LRP1B: variants seen among roughly 807,000 people sequenced by gnomAD.
LRP1B encodes the protein low-density lipoprotein receptor-related protein 1B.
In LRP1B, 217 loss-of-function variants were observed where a neutral mutation model predicts 556.6. The observed-to-expected ratio is 0.39, with a 90% CI of 0.35 to 0.44. The LOEUF (loss-of-function observed/expected upper bound fraction) is 0.44. LRP1B is among the 20% of genes least tolerant of loss of function. The pLI, the probability that LRP1B is intolerant of heterozygous loss-of-function variation, is 1.00. For missense variants in LRP1B, 5,053 were observed against 5,620.8 expected, an observed-to-expected ratio of 0.90 and a Z score of 3.23; for synonymous variants, 2,047 against 1,865.8, an observed-to-expected ratio of 1.10 and a Z score of -2.50.
chr2:141,200,733 T>C (rs767193316), intron 6 of LRP1B, among the ~76,000 whole-genome samples: 36 of 152,146 alleles, frequency 2.4e-4, no homozygotes, highest in Non-Finnish European at 4.1e-4. Flanking sequence ...TAGTGACTTA[T>C]CAGTGCACTG....
chr2:141,533,808 T>C (rs149846836), intron 2 of LRP1B, among the ~76,000 whole-genome samples: 3 of 152,232 alleles, frequency 2.0e-5, no homozygotes, highest in Admixed American at 6.5e-5. Flanking sequence ...ATCAACTTAC[T>C]CCATGGTTGT....
At chr2:141,654,484 A>G (rs1049853767) in intron 2 of LRP1B, among the ~76,000 whole-genome samples, 1 of 152,104 alleles carries the variant, frequency 6.6e-6, no homozygotes, top group Admixed American at 6.5e-5. Flanking sequence ...GGGCCTCTGG[A>G]GCAGACTCAG....
At chr2:141,182,005 C>T (rs1447043458) in intron 7 of LRP1B, among the ~76,000 whole-genome samples, 1 of 151,942 alleles carries the variant, frequency 6.6e-6, no homozygotes, top group Non-Finnish European at 1.5e-5. Flanking sequence ...TGTGGTCTTG[C>T]CTATTCACAT....
At chr2:142,121,924 G>A (rs990228065) in intron 1 of LRP1B, among the ~76,000 whole-genome samples, 3 of 151,984 alleles carry the variant, frequency 2.0e-5, no homozygotes, top group Non-Finnish European at 4.4e-5. Context: ...AATGAAAAGC[G>A]AAGGTATGCT....
chr2:140,442,295 T>C (rs1686463244), intron 66 of LRP1B, among the ~76,000 whole-genome samples: 1 of 152,220 alleles, frequency 6.6e-6, no homozygotes, highest in South Asian at 2.1e-4. Context: ...CTGGGTTATA[T>C]TAAGGAATAC....
chr2:140,463,914 G>T (rs558835042), intron 60 of LRP1B, among the ~76,000 whole-genome samples: 6 of 152,270 alleles, frequency 3.9e-5, no homozygotes, highest in Admixed American at 2.0e-4. Context: ...TTAATACTGT[G>T]GCCAGGAGTG....
At chr2:141,188,716 CAA>C in intron 6 of LRP1B, 133 bp from the exon 7 acceptor site, 1 of 699,102 alleles carries the variant, frequency 1.4e-6, no homozygotes. Flanking sequence ...AAAGAAACTG[CAA>C]AGTCTCTTGC....
intron 41 of LRP1B, among the ~76,000 whole-genome samples, chr2:140,620,202 A>G (rs1683402054): frequency 6.6e-6 from 1 of 152,196 alleles, no homozygotes; most frequent in South Asian, 2.1e-4. Flanking sequence ...TGTCACAATA[A>G]CAGTGCAAGG....
chr2:140,894,018 TAG>T (rs765834530), intron 23 of LRP1B, among the ~76,000 whole-genome samples: 11 of 151,980 alleles, frequency 7.2e-5, no homozygotes, highest in Non-Finnish European at 1.3e-4. Flanking sequence ...TCACAGAAAA[TAG>T]AGAGATACTA....
At chr2:140,393,873 A>C (rs1684134438) in intron 66 of LRP1B, among the ~76,000 whole-genome samples, 1 of 152,158 alleles carries the variant, frequency 6.6e-6, no homozygotes, top group Non-Finnish European at 1.5e-5. Flanking sequence ...CTTAACTATC[A>C]AAGCATGACC....
chr2:141,819,741 T>C (rs970353478), intron 1 of LRP1B, among the ~76,000 whole-genome samples: 2 of 152,184 alleles, frequency 1.3e-5, no homozygotes, highest in Admixed American at 1.3e-4. Context: ...AGAAGGAGGA[T>C]ATTGGACGTT....
rs2104970237 is a variant in LRP1B at position 140,526,322 on chromosome 2, G to A, written c.7791C>T (p.Arg2597=). The change falls in exon 48 of 91, where the codon CGC becomes CGT. Residue 2597 remains arginine, a synonymous_variant. Transcript: ENST00000389484. ...TTGGAATACAAGTCCCATCTGCACA[G>A]CGGAACTCAACCGTGGCACAGGTTG... ...KVSTCATVEF[R]CADGTCIPRS... 6.2e-7 allele frequency: 1 copy of A among 1,611,782 alleles called. No individual in the cohort carries two copies. The highest frequency in any genetic ancestry group is 1.1e-5 in the South Asian group (1 of 91,022).
At chr2:141,393,104 C>T (rs1690114631) in intron 3 of LRP1B, among the ~76,000 whole-genome samples, 1 of 152,084 alleles carries the variant, frequency 6.6e-6, no homozygotes, top group East Asian at 1.9e-4. Flanking sequence ...AAACACTAGA[C>T]AAGATTATAT....
chr2:141,483,844 T>C (rs1683015518), intron 2 of LRP1B, among the ~76,000 whole-genome samples: 1 of 151,254 alleles, frequency 6.6e-6, no homozygotes, highest in African/African-American at 2.4e-5. Flanking sequence ...TTTGAGTTCA[T>C]TGTAGATTCT....
intron 31 of LRP1B, among the ~76,000 whole-genome samples, chr2:140,837,826 G>A (rs1386951089): frequency 2.6e-5 from 4 of 152,110 alleles, no homozygotes; most frequent in Non-Finnish European, 4.4e-5. Flanking sequence ...ATAACATTTG[G>A]AGATATACCT....
rs75933399 is a variant in LRP1B, at chr2:141,012,834, A to G, written c.2380+722T>C. On this transcript the variant is annotated intron_variant, in intron 14 of 90. Transcript: ENST00000389484. Reference sequence around the variant, plus strand: ...ATTCATCTTAAATGTATTGAACTACATACTCATTAAATTTTTACAATGATA... The same window carrying G: ...ATTCATCTTAAATGTATTGAACTACGTACTCATTAAATTTTTACAATGATA... Among the ~76,000 whole-genome samples, 229 of 152,042 alleles carry G rather than the reference A, an allele frequency of 1.5e-3. 3 individuals carry two copies. The East Asian group carries it at 0.034, about 23-fold the overall frequency.
chr2:140,272,523 C>T (rs138488601), intron 85 of LRP1B, among the ~76,000 whole-genome samples: 2 of 152,034 alleles, frequency 1.3e-5, no homozygotes, highest in South Asian at 2.1e-4. Context: ...TTCTACTTAA[C>T]AGTTCATAGG....
chr2:141,345,662 T>TC (rs1382842192), intron 3 of LRP1B, among the ~76,000 whole-genome samples: 1 of 150,936 alleles, frequency 6.6e-6, no homozygotes, highest in Admixed American at 6.6e-5. Flanking sequence ...GCTAATTTTT[T>TC]TTTTTTTTTT....
chr2:141,158,600 A>C (rs1702125239), intron 7 of LRP1B, among the ~76,000 whole-genome samples: 1 of 152,126 alleles, frequency 6.6e-6, no homozygotes, highest in Admixed American at 6.6e-5. Flanking sequence ...GCCTCTTTTA[A>C]GTATATACAA....
Sources: allele counts gnomAD v4.1 joint callset (sites outside exome capture counted in the v4.1 genomes callset), GRCh38; gene constraint gnomAD v4.1.1; transcripts MANE v1.5; gene names NCBI Gene and HGNC (gene_info 2026-07-23, HGNC 2026-07-21).